EHBP1: variants seen among roughly 807,000 people sequenced by gnomAD.
EHBP1 encodes the protein EH domain binding protein 1.
Under a neutral mutation model 144.0 loss-of-function variants are expected in EHBP1, and 55 were observed. That is an observed-to-expected ratio of 0.38 (90% CI 0.31 to 0.48). The LOEUF (loss-of-function observed/expected upper bound fraction) is 0.48. EHBP1 is among the 20% of genes least tolerant of loss of function. The pLI is 0.98. For missense variants in EHBP1, 1,200 were observed against 1,364.2 expected, an observed-to-expected ratio of 0.88 and a Z score of 1.90; for synonymous variants, 469 against 472.7, an observed-to-expected ratio of 0.99 and a Z score of 0.10.
chr2:62,995,713 A>G (rs1271429154), intron 18 of EHBP1, among the ~76,000 whole-genome samples: 1 of 152,068 alleles, frequency 6.6e-6, no homozygotes, highest in Non-Finnish European at 1.5e-5. Flanking sequence ...CTTAGCCCCA[A>G]AAATGTCAAA....
intron 3 of EHBP1, among the ~76,000 whole-genome samples, chr2:62,754,749 CA>C (rs2040106930): frequency 6.6e-6 from 1 of 152,226 alleles, no homozygotes; most frequent in African/African-American, 2.4e-5. Flanking sequence ...GCTGTACTAG[CA>C]ATGGGCAGGG....
chr2:62,940,200 T>C (rs1384246834), intron 10 of EHBP1: 2 of 337,862 alleles, frequency 5.9e-6, no homozygotes, highest in Non-Finnish European at 1.2e-5. Flanking sequence ...TTTATTGACT[T>C]GCACAGTCCT....
chr2:62,916,091 T>A (rs2054592362), intron 10 of EHBP1, among the ~76,000 whole-genome samples: 1 of 152,074 alleles, frequency 6.6e-6, no homozygotes, highest in African/African-American at 2.4e-5. Context: ...GAGGCTGAAG[T>A]GGGAGGATGA....
intron 10 of EHBP1, among the ~76,000 whole-genome samples, chr2:62,924,814 G>A: frequency 6.6e-6 from 1 of 152,186 alleles, no homozygotes. Context: ...CTACTCCAAA[G>A]AATGGAAGCA....
chr2:63,039,673 A>C (rs2153368087), intron 21 of EHBP1, among the ~76,000 whole-genome samples: 1 of 152,310 alleles, frequency 6.6e-6, no homozygotes, highest in Admixed American at 6.5e-5. Flanking sequence ...TAATTAGTTC[A>C]GAAACTGGAA....
intron 19 of EHBP1, among the ~76,000 whole-genome samples, chr2:63,010,899 A>G (rs1473320349): frequency 1.3e-5 from 2 of 151,712 alleles, no homozygotes; most frequent in Non-Finnish European, 3.0e-5. Flanking sequence ...TTAGCTTTCT[A>G]AGGTAACCAA....
At chr2:63,025,635 T>G (rs921950581) in intron 19 of EHBP1, among the ~76,000 whole-genome samples, 2 of 152,210 alleles carry the variant, frequency 1.3e-5, no homozygotes, top group African/African-American at 4.8e-5. Context: ...TGCTTGAGAT[T>G]GACGCATAAG....
chr2:62,737,882 G>A (rs1327132599), intron 2 of EHBP1, among the ~76,000 whole-genome samples: 1 of 151,960 alleles, frequency 6.6e-6, no homozygotes, highest in Non-Finnish European at 1.5e-5. Flanking sequence ...TTCCCTCTTA[G>A]CCTCCCAAGT....
intron 4 of EHBP1, among the ~76,000 whole-genome samples, chr2:62,766,696 T>A (rs72807574): frequency 6.6e-6 from 1 of 152,072 alleles, no homozygotes; most frequent in Admixed American, 6.5e-5. Flanking sequence ...GGAAATCTTA[T>A]ATAATCCCAC....
At chr2:62,844,302 C>T (rs985537256) in intron 7 of EHBP1, among the ~76,000 whole-genome samples, 27 of 152,160 alleles carry the variant, frequency 1.8e-4, no homozygotes, top group South Asian at 2.1e-4. Context: ...GACAGACTCC[C>T]CTGCTAAATA....
chr2:62,840,014 A>G (rs2047666221), intron 7 of EHBP1, among the ~76,000 whole-genome samples: 2 of 152,214 alleles, frequency 1.3e-5, no homozygotes, highest in Admixed American at 6.5e-5. Flanking sequence ...GAACCAAAAA[A>G]GGGCTTGCAT....
At chr2:62,730,471 G>A (rs572979689) in intron 2 of EHBP1, among the ~76,000 whole-genome samples, 2 of 152,234 alleles carry the variant, frequency 1.3e-5, no homozygotes, top group African/African-American at 4.8e-5. Context: ...ATGTCTTGTG[G>A]CTTGATAGCT....
At chr2:62,843,585 G>A (rs1288132100) in intron 7 of EHBP1, among the ~76,000 whole-genome samples, 1 of 152,064 alleles carries the variant, frequency 6.6e-6, no homozygotes, top group Non-Finnish European at 1.5e-5. Flanking sequence ...GCAGAGTATG[G>A]TAACCTAAAT....
chr2:62,942,598 C>T, intron 10 of EHBP1, 120 bp from the exon 11 acceptor site: 1 of 763,694 alleles, frequency 1.3e-6, no homozygotes, highest in Non-Finnish European at 1.9e-6. Flanking sequence ...CGTGAATTGA[C>T]AGTTGTGAAG....
At chr2:62,707,624 T>C (rs991622818) in intron 2 of EHBP1, among the ~76,000 whole-genome samples, 4 of 152,258 alleles carry the variant, frequency 2.6e-5, no homozygotes, top group Non-Finnish European at 5.9e-5. Context: ...AAAGAATGGC[T>C]ACTGAAATAT....
intron 1 of EHBP1, chr2:62,706,387 T>G (rs1309385545): frequency 6.6e-6 from 1 of 152,304 alleles, no homozygotes; most frequent in Non-Finnish European, 1.5e-5. Context: ...GCCTGGAGAT[T>G]TCCCTCCACT....
At chr2:62,773,884 A>AG (rs1186799983) in intron 5 of EHBP1, among the ~76,000 whole-genome samples, 2 of 130,732 alleles carry the variant, frequency 1.5e-5, no homozygotes, top group Admixed American at 7.9e-5. Flanking sequence ...AAAAAAAAAA[A>AG]AGAGAGAGAG....
intron 7 of EHBP1, among the ~76,000 whole-genome samples, chr2:62,836,152 G>C (rs1351608697): frequency 2.0e-5 from 3 of 151,970 alleles, no homozygotes; most frequent in Non-Finnish European, 2.9e-5. Flanking sequence ...TCTGAGAACC[G>C]GCAGACTGCC....
intron 10 of EHBP1, among the ~76,000 whole-genome samples, chr2:62,907,196 T>C (rs2152964438): frequency 6.6e-6 from 1 of 152,230 alleles, no homozygotes; most frequent in East Asian, 1.9e-4. Context: ...TGTTTAGTGT[T>C]CTAAGAAACT....
Sources: gnomAD v4.1 joint callset for allele counts (sites outside exome capture counted in the v4.1 genomes callset) on GRCh38, gnomAD v4.1.1 for gene constraint, MANE v1.5 for transcripts, NCBI Gene and HGNC (gene_info 2026-07-23, HGNC 2026-07-21) for gene names.